TTC14: variants seen among roughly 807,000 people sequenced by gnomAD.
TTC14 encodes tetratricopeptide repeat domain 14.
A neutral mutation model predicts 79.9 loss-of-function variants in TTC14; 63 were observed. The ratio of observed to expected loss-of-function variants is 0.79; its 90% confidence interval spans 0.64 to 0.97. The LOEUF is 0.97. Among genes scored for constraint, TTC14 ranks in the 50% least tolerant of loss-of-function variants. The probability of loss-of-function intolerance (pLI) is 0.00; values close to 1 mark genes in which losing one functional copy is unlikely to be tolerated. For missense variants in TTC14, 895 were observed against 894.0 expected (o/e 1.00, Z -0.01); for synonymous variants, 335 against 309.6 (o/e 1.08, Z -0.86).
exon 13 of TTC14, chr3:180,617,561 C>A: frequency 1.7e-6 from 1 of 584,430 alleles, no homozygotes; most frequent in Non-Finnish European, 3.1e-6. Context: ...ATCCTGACCA[C>A]GGGTAGGCTT....
intron 1 of TTC14, chr3:180,602,642 G>C: frequency 1.4e-6 from 1 of 713,490 alleles, no homozygotes; most frequent in South Asian, 2.0e-5. Flanking sequence ...TGGTAGAGGC[G>C]CAGATTCCTT....
rs11544675 is a variant in TTC14, at chr3:180,609,975, T to C, written c.1746T>C (p.Ser582=). The C allele has an allele frequency of 6.2e-7, 1 of 1,614,066 alleles. No individual in the cohort carries two copies. The highest frequency in any genetic ancestry group is 8.5e-7 in the Non-Finnish European group (1 of 1,179,944). The change falls in exon 12 of 12, where the codon TCT becomes TCC. Residue 582 remains serine, a synonymous_variant. Transcript: ENST00000296015. ...AAGATAGATGCCCTCTCTCTTCATC[T>C]TCACTTGAAATACCGGATGATTTTG... The part of the protein sequence containing the change: ...KEKDRCPLSS[S]SLEIPDDFGG...
chr3:180,611,012 T>TTA lies in TTC14; in HGVS notation c.*472_*473dup. On this transcript the variant is annotated 3_prime_UTR_variant, in exon 12 of 12. Coordinates refer to ENST00000296015, the MANE Select transcript of TTC14 (RefSeq NM_133462.4). ...GAATGTTTCTTGAACACTTTTATAT[T>TTA]TATCAGTTTAAATATTACATTTTTT... 3.2e-6 allele frequency: 3 copies of TTA among 935,046 alleles called. No individual in the cohort carries two copies. The highest frequency in any genetic ancestry group is 3.8e-6 in the Non-Finnish European group (3 of 784,264). The allele number at this position is 935,046 out of a possible 1,614,324, so 57.9% of individuals were successfully genotyped here.
intron 11 of TTC14, chr3:180,609,372 A>G (rs1716863526): frequency 1.7e-6 from 2 of 1,153,540 alleles, no homozygotes; most frequent in South Asian, 3.6e-5. Context: ...AGTAGTCTTA[A>G]GTTTTTAAGG....
intron 12 of TTC14, chr3:180,616,802 T>C: frequency 6.2e-7 from 1 of 1,602,528 alleles, no homozygotes; most frequent in African/African-American, 1.3e-5. Flanking sequence ...ATATGAAAGG[T>C]CAGTTTTTAA....
chr3:180,602,808 C>T, intron 1 of TTC14, 83 bp from the exon 2 acceptor site: 1 of 1,446,044 alleles, frequency 6.9e-7, no homozygotes, highest in Non-Finnish European at 9.3e-7. Flanking sequence ...GCGGAATGGG[C>T]GATGAAAGCC....
At chr3:180,606,052 A>G in intron 7 of TTC14, 1 of 836,262 alleles carries the variant, frequency 1.2e-6, no homozygotes, top group Non-Finnish European at 1.8e-6. Context: ...AGGAATTAGT[A>G]TATTGATATC....
chr3:180,613,599 C>G (rs1717108442), downstream of TTC14, among the ~76,000 whole-genome samples: 1 of 152,120 alleles, frequency 6.6e-6, no homozygotes, highest in Non-Finnish European at 1.5e-5. Flanking sequence ...ATGAGGAAAA[C>G]AGGGAAGTAA....
At chr3:180,605,145 G>A (rs1470438610) in intron 6 of TTC14, 138 bp downstream of exon 6, 1 of 729,244 alleles carries the variant, frequency 1.4e-6, no homozygotes, top group East Asian at 2.7e-5. Flanking sequence ...TGAACCAGGT[G>A]ATCCCATCTT....
intron 7 of TTC14, 179 bp from the exon 8 acceptor site, chr3:180,606,073 CA>C: frequency 1.1e-6 from 1 of 907,438 alleles, no homozygotes; most frequent in Admixed American, 2.9e-5. Context: ...TAGGTTTCAC[CA>C]ATATTTGTTG....
chr3:180,616,627 G>C (rs1461379128), intron 12 of TTC14: 1 of 1,595,798 alleles, frequency 6.3e-7, no homozygotes, highest in Non-Finnish European at 8.5e-7. Context: ...GAAGTTTGAT[G>C]TCTTGTTCTT....
intron 7 of TTC14, 74 bp downstream of exon 7, chr3:180,605,911 C>A: frequency 1.4e-6 from 2 of 1,428,970 alleles, no homozygotes; most frequent in South Asian, 1.3e-5. Context: ...ATGCTTATAT[C>A]ATCAATAAGA....
chr3:180,613,853 T>C, downstream of TTC14: 1 of 454,094 alleles, frequency 2.2e-6, no homozygotes, highest in Admixed American at 2.4e-5. Context: ...TTGCTATGCC[T>C]TTTTCCTATT....
chr3:180,605,642 T>C (rs948812234), intron 6 of TTC14, 124 bp from the exon 7 acceptor site: 1 of 648,600 alleles, frequency 1.5e-6, no homozygotes. Context: ...GGTATGTAAA[T>C]AGAATGCAGA....
In TTC14 at chr3:180,610,360, G is replaced by A; in HGVS notation, c.2131G>A (p.Glu711Lys). Residue 711 changes from glutamate to lysine, a missense_variant, in exon 12 of 12, where the codon GAA becomes AAA. Coordinates refer to ENST00000296015, the MANE Select transcript of TTC14 (RefSeq NM_133462.4). ...QRYRLNTNQG[E>K]YEREDNYGED... Reference sequence around the variant, plus strand: ...ATACCGTTTAAATACAAATCAAGGAGAATATGAAAGAGAGGACAATTATGG... The same window carrying A: ...ATACCGTTTAAATACAAATCAAGGAAAATATGAAAGAGAGGACAATTATGG... The A allele has an allele frequency of 6.2e-7, 1 of 1,613,430 alleles. No individual in the cohort carries two copies. Among genetic ancestry groups the A allele is most frequent in the Non-Finnish European group, 8.5e-7 (1 of 1,179,790 alleles).
chr3:180,612,012 A>T (rs1717013279), downstream of TTC14, among the ~76,000 whole-genome samples: 1 of 152,228 alleles, frequency 6.6e-6, no homozygotes, highest in South Asian at 2.1e-4. Flanking sequence ...CCTGGTCAAG[A>T]GCAATAGATA....
In TTC14 at chr3:180,606,320, G is replaced by C; in HGVS notation, c.997G>C (p.Ala333Pro). 1 of 1,614,076 alleles carries C rather than the reference G, an allele frequency of 6.2e-7. No homozygotes were observed. The highest frequency in any genetic ancestry group is 2.2e-5 in the East Asian group (1 of 44,862). The change falls in exon 8 of 12, where the codon GCT (alanine) becomes CCT (proline). Residue 333 changes from alanine (A) to proline (P), a missense_variant. Ala to Pro is a conservative substitution (Grantham distance 27, BLOSUM62 -1). Transcript: ENST00000296015. ...GGATGCTATGAATGAATACAATAAA[G>C]CTTTGGAAATAGACAAACAAAACGT... ...HVDAMNEYNK[A>P]LEIDKQNVEA...
At chr3:180,602,758 C>G in intron 1 of TTC14, 133 bp from the exon 2 acceptor site, 2 of 1,144,156 alleles carry the variant, frequency 1.7e-6, no homozygotes, top group Non-Finnish European at 2.4e-6. Context: ...CTAGTTAAAA[C>G]TTTTTGTCTG....
intron 11 of TTC14, 164 bp from the exon 12 acceptor site, chr3:180,609,466 T>C (rs910402266): frequency 7.6e-7 from 1 of 1,310,810 alleles, no homozygotes; most frequent in African/African-American, 1.5e-5. Context: ...CCCCCAAAAG[T>C]GCTTAATAGT....
Sources: allele counts gnomAD v4.1 joint callset (sites outside exome capture counted in the v4.1 genomes callset), GRCh38; gene constraint gnomAD v4.1.1; transcripts MANE v1.5; gene names NCBI Gene and HGNC (gene_info 2026-07-23, HGNC 2026-07-21).